The following DIPK1C variants were observed in gnomAD, a reference collection of about 807,000 sequenced individuals.
DIPK1C encodes the protein familial non-conventional Alzheimer's dementia.
In DIPK1C, 33 loss-of-function variants were observed where a neutral mutation model predicts 28.0. The observed-to-expected ratio is 1.18, with a 90% confidence interval of 0.89 to 1.58. The LOEUF is 1.58. Ranked by LOEUF, DIPK1C falls within the 40% of genes most tolerant of loss-of-function variation. The pLI is 0.00. For synonymous variants in DIPK1C, 255 were observed against 248.8 expected, an observed-to-expected ratio of 1.02 and a Z score of -0.23; for missense variants, 569 against 568.5, an observed-to-expected ratio of 1.00 and a Z score of -0.01.
intron 1 of DIPK1C, among the ~76,000 whole-genome samples, chr18:74,451,258 A>C (rs1986391380): frequency 6.6e-6 from 1 of 152,202 alleles, no homozygotes; most frequent in Non-Finnish European, 1.5e-5. Flanking sequence ...GCACAGTTGA[A>C]GCAAGCACCT....
chr18:74,437,638 G>A (rs1986028024), intron 3 of DIPK1C, among the ~76,000 whole-genome samples: 1 of 152,150 alleles, frequency 6.6e-6, no homozygotes, highest in Non-Finnish European at 1.5e-5. Context: ...GCAAAAGCAA[G>A]GATTCTTTTC....
Position 74,442,064 on chromosome 18 carries a change from A to AT in DIPK1C, c.928dup (p.Ile310AsnfsTer3). ...ATCTCCTGTGCAGTTTTGCTCAAGG[A>AT]TTTCCCTCATTTTAGGTTCAAAAAA... is the stretch of plus-strand genomic sequence containing the variant. On this transcript the variant is annotated frameshift_variant, in exon 3 of 4. Transcript: ENST00000343998. LOFTEE classifies it high-confidence loss of function. The AT allele has an allele frequency of 6.2e-7, 1 of 1,614,080 alleles. No individual in the cohort carries two copies. Among genetic ancestry groups the AT allele is most frequent in the South Asian group, 1.1e-5 (1 of 91,074 alleles).
intron 1 of DIPK1C, among the ~76,000 whole-genome samples, chr18:74,451,755 G>C (rs2346057): frequency 0.78 from 118,154 of 152,144 alleles, 46,086 homozygotes; most frequent in East Asian, 0.99. Flanking sequence ...TGACAAAAGC[G>C]CTGACCAGAC....
upstream of DIPK1C, among the ~76,000 whole-genome samples, chr18:74,461,159 T>C (rs1406141928): frequency 6.6e-6 from 1 of 152,142 alleles, no homozygotes; most frequent in Non-Finnish European, 1.5e-5. Flanking sequence ...TTTTTCTTTT[T>C]CTCCTGATGA....
chr18:74,440,009 A>G (rs559382781), intron 3 of DIPK1C, among the ~76,000 whole-genome samples: 3 of 149,722 alleles, frequency 2.0e-5, no homozygotes, highest in Admixed American at 6.7e-5. Context: ...CAGTGATGCA[A>G]TCTCGGCTCA....
chr18:74,457,330 G>T, upstream of DIPK1C: 1 of 961,306 alleles, frequency 1.0e-6, no homozygotes, highest in South Asian at 4.6e-5. Flanking sequence ...TAGCTGCTCC[G>T]CGGCTCAGGC....
At chr18:74,440,387 A>T (rs969154090) in intron 3 of DIPK1C, among the ~76,000 whole-genome samples, 2 of 152,158 alleles carry the variant, frequency 1.3e-5, no homozygotes, top group African/African-American at 4.8e-5. Flanking sequence ...GAGCATGGCT[A>T]TGTCTAACAG....
At chr18:74,439,398 C>T (rs941144319) in intron 3 of DIPK1C, among the ~76,000 whole-genome samples, 35 of 152,168 alleles carry the variant, frequency 2.3e-4, no homozygotes, top group African/African-American at 6.8e-4. Flanking sequence ...GTCTACAAGG[C>T]CCCCTTTATC....
chr18:74,457,118 C>A lies in DIPK1C; in HGVS notation c.142G>T (p.Gly48Cys), dbSNP rs866724452. ...AAALLLRAHP[G>C]VLSERCTDEK... ...TCGGTGCAGCGCTCGGAGAGGACACCCGGGTGCGCGCGGAGCAGCAGCGCG... is the reference window on the plus strand; with the variant it reads ...TCGGTGCAGCGCTCGGAGAGGACACACGGGTGCGCGCGGAGCAGCAGCGCG... The change falls in exon 1 of 4, where the codon GGT becomes TGT. Residue 48 changes from glycine (G) to cysteine (C), a missense_variant. Transcript: ENST00000343998. The A allele has an allele frequency of 6.8e-7, 1 of 1,464,224 alleles. No individual in the cohort carries two copies. The allele number at this position is 1,464,224 out of a possible 1,614,324, so 90.7% of individuals were successfully genotyped here. A position where few individuals can be genotyped will look rare whatever the true frequency, so the allele number is the denominator to read the frequency against.
chr18:74,437,252 A>C (rs539103818), intron 3 of DIPK1C, among the ~76,000 whole-genome samples: 1 of 152,236 alleles, frequency 6.6e-6, no homozygotes, highest in Non-Finnish European at 1.5e-5. Flanking sequence ...GGCTGCCTGT[A>C]TAGCACTTTA....
rs74874856 is a variant in DIPK1C at position 74,444,842 on chromosome 18, C to T, written c.876+1764G>A. Among the ~76,000 whole-genome samples the T allele has an allele frequency of 9.1e-3, 1,377 of 152,132 alleles. 39 individuals carry two copies. The highest frequency in any genetic ancestry group is 0.03 in the Admixed American group (457 of 15,282). On this transcript the variant is annotated intron_variant, in intron 2 of 3. Coordinates refer to ENST00000343998, the MANE Select transcript of DIPK1C (RefSeq NM_001044369.3). ...ACACAGTCTGGGGCTAGGTTGAGGA[C>T]GCATAGTCACGATTTCATTGAACAA...
the DIPK1C span, among the ~76,000 whole-genome samples, chr18:74,463,741 G>C: frequency 1.3e-5 from 2 of 152,136 alleles, no homozygotes; most frequent in Admixed American, 6.6e-5. Flanking sequence ...TGACATCCTA[G>C]GATTTGTCAT....
chr18:74,440,643 A>G (rs960643902), intron 3 of DIPK1C, among the ~76,000 whole-genome samples: 2 of 152,122 alleles, frequency 1.3e-5, no homozygotes, highest in African/African-American at 2.4e-5. Context: ...TCTCCTGCCA[A>G]TTTTCTGTGT....
At chr18:74,457,039 G>A (rs1267856501) in intron 1 of DIPK1C, 23 bp downstream of exon 1, 2 of 1,424,806 alleles carry the variant, frequency 1.4e-6, no homozygotes, top group Non-Finnish European at 1.8e-6. Flanking sequence ...CGCGGCGCGG[G>A]GCAGAGCGGC....
chr18:74,450,042 C>G (rs1986364996), intron 1 of DIPK1C, among the ~76,000 whole-genome samples: 1 of 151,964 alleles, frequency 6.6e-6, no homozygotes, highest in Admixed American at 6.6e-5. Context: ...TCAGGAGAGC[C>G]CTGAGAGGTG....
chr18:74,464,417 A>G, the DIPK1C span, among the ~76,000 whole-genome samples: 7 of 152,234 alleles, frequency 4.6e-5, no homozygotes, highest in Non-Finnish European at 8.8e-5. Context: ...GAAGGTACAG[A>G]GATTTTCTAT....
Position 74,446,614 on chromosome 18 carries a change from C to T in DIPK1C, c.868G>A (p.Asp290Asn), listed in dbSNP as rs993257993. 19 of 1,457,224 alleles carry T rather than the reference C, an allele frequency of 1.3e-5. No homozygotes were observed. The East Asian group carries it at 2.0e-4, about 16-fold the overall frequency. 90.3% of individuals were successfully genotyped at this position (1,457,224 alleles called of 1,614,324 possible). A position where few individuals can be genotyped will look rare whatever the true frequency, so the allele number is the denominator to read the frequency against. Residue 290 changes from aspartate (D) to asparagine (N), a missense_variant, in exon 2 of 4, where the codon GAC becomes AAC. By Grantham distance (23) the Asp-to-Asn change is conservative (BLOSUM62 1). Transcript: ENST00000343998. ...IKPENFAIRS[D>N]FTVVAIDVDM... ...CGACCTGCGCCACTTACTGTGAAGT[C>T]GCTCCGGATGGCAAAGTTTTCCGGC...
the DIPK1C span, among the ~76,000 whole-genome samples, chr18:74,463,415 G>A: frequency 6.6e-6 from 1 of 152,182 alleles, no homozygotes; most frequent in Non-Finnish European, 1.5e-5. Context: ...ACCCACAGTT[G>A]CACTGCATTC....
At chr18:74,450,984 C>G (rs1986384581) in intron 1 of DIPK1C, among the ~76,000 whole-genome samples, 1 of 152,170 alleles carries the variant, frequency 6.6e-6, no homozygotes, top group Non-Finnish European at 1.5e-5. Context: ...CACAGGGAGA[C>G]AGTCCCAACA....
Sources: allele counts gnomAD v4.1 joint callset (sites outside exome capture counted in the v4.1 genomes callset), GRCh38; gene constraint gnomAD v4.1.1; transcripts MANE v1.5; gene names NCBI Gene and HGNC (gene_info 2026-07-23, HGNC 2026-07-21).